ASAH1: variants seen among roughly 807,000 people sequenced by gnomAD.
The protein encoded by ASAH1 is N-acylsphingosine amidohydrolase 1.
A neutral mutation model predicts 59.5 loss-of-function variants in ASAH1; 70 were observed. The ratio of observed to expected loss-of-function variants is 1.18; its 90% CI spans 0.97 to 1.43. The LOEUF is 1.43. ASAH1 is among the 40% of genes most tolerant of loss of function. The pLI is 0.00. For synonymous variants in ASAH1, 213 were observed against 166.5 expected (o/e 1.28, Z -2.15); for missense variants, 660 against 482.5 (o/e 1.37, Z -3.45).
At chr8:18,062,576 G>T in intron 7 of ASAH1, 153 bp from the exon 8 acceptor site, 1 of 832,302 alleles carries the variant, frequency 1.2e-6, no homozygotes, top group Non-Finnish European at 1.9e-6. Flanking sequence ...TATTTATTCT[G>T]TTTTCCAAAT....
rs1427945919 is a variant in ASAH1 at position 18,056,079 on chromosome 8, T to C, written c.*1455A>G. 1 of 152,226 alleles carries C rather than the reference T, an allele frequency of 6.6e-6. No homozygotes were observed. The highest frequency in any genetic ancestry group is 1.5e-5 in the Non-Finnish European group (1 of 68,042). 9.4% of individuals were successfully genotyped at this position (152,226 alleles called of 1,614,324 possible). A position where few individuals can be genotyped will look rare whatever the true frequency, so the allele number is the denominator to read the frequency against. On this transcript the variant is annotated 3_prime_UTR_variant, in exon 14 of 14. Coordinates refer to ENST00000637790, the MANE Select transcript of ASAH1 (RefSeq NM_177924.5). ...TCAAGTTGACCTGACTTCATTTATGTAAGAGGTAGAAAATCTGAGTAAAGT... is the reference window on the plus strand; with the variant it reads ...TCAAGTTGACCTGACTTCATTTATGCAAGAGGTAGAAAATCTGAGTAAAGT...
chr8:18,059,951 C>A, intron 10 of ASAH1: 1 of 405,016 alleles, frequency 2.5e-6, no homozygotes, highest in South Asian at 2.3e-5. Flanking sequence ...CCCTGACAGG[C>A]CCTGGTGCGT....
intron 4 of ASAH1, chr8:18,068,293 GT>G (rs1484401979): frequency 6.6e-6 from 1 of 152,168 alleles, no homozygotes; most frequent in Non-Finnish European, 1.5e-5. Flanking sequence ...ATTCCAAGGC[GT>G]GGCACAAAAA....
chr8:18,079,098 G>C (rs912910533), intron 1 of ASAH1, among the ~76,000 whole-genome samples: 1 of 150,574 alleles, frequency 6.6e-6, no homozygotes, highest in Non-Finnish European at 1.5e-5. Context: ...CCAACATGGC[G>C]AAATCCCCGT....
At position 18,059,212 on chromosome 8, in the gene ASAH1, G is replaced by A. The variant is rs1799586629; in HGVS notation, c.1041+129C>T. 3.5e-6 allele frequency: 5 copies of A among 1,440,016 alleles called. No individual in the cohort carries two copies. In the South Asian group the frequency reaches 4.8e-5, roughly 14 times the overall value. 89.2% of individuals were successfully genotyped at this position (1,440,016 alleles called of 1,614,324 possible). ...AAGAAAACGAAACAAAAAAATCAGT[G>A]GAGAGTGGCTAGAGATACTATGAAA... On this transcript the variant is annotated intron_variant, in intron 12 of 13. Transcript: ENST00000637790.
intron 13 of ASAH1, chr8:18,058,606 G>A (rs958331123): frequency 5.5e-6 from 3 of 550,046 alleles, no homozygotes; most frequent in African/African-American, 1.9e-5. Context: ...CAAATGCTAT[G>A]TAAATAAAGC....
chr8:18,082,960 T>C (rs1800718239), intron 1 of ASAH1, among the ~76,000 whole-genome samples: 1 of 152,194 alleles, frequency 6.6e-6, no homozygotes, highest in African/African-American at 2.4e-5. Flanking sequence ...ATTTTCCTAT[T>C]ACAGGAAAAA....
At chr8:18,078,415 G>A (rs1300733744) in intron 1 of ASAH1, among the ~76,000 whole-genome samples, 1 of 152,180 alleles carries the variant, frequency 6.6e-6, no homozygotes, top group Non-Finnish European at 1.5e-5. Context: ...AATTGGCATA[G>A]AACCTGGCTG....
intron 7 of ASAH1, chr8:18,062,719 A>G: frequency 2.3e-6 from 1 of 434,930 alleles, no homozygotes; most frequent in East Asian, 5.0e-5. Flanking sequence ...AGATGGACAC[A>G]TAAAATAGAA....
chr8:18,084,412 G>C (rs142262157), upstream of ASAH1: 52,002 of 1,390,446 alleles, frequency 0.037, 1,154 homozygotes, highest in South Asian at 0.061. Context: ...TTCACCCGTG[G>C]CGCCTCGATG....
Position 18,063,200 on chromosome 8 carries a change from A to T in ASAH1, c.488T>A (p.Phe163Tyr). 1.2e-6 allele frequency: 2 copies of T among 1,613,908 alleles called. No individual in the cohort carries two copies. The highest frequency in any genetic ancestry group is 1.7e-6 in the Non-Finnish European group (2 of 1,179,854). Residue 163 changes from phenylalanine (F) to tyrosine (Y), a missense_variant, in exon 7 of 14, where the codon TTT becomes TAT. Transcript: ENST00000637790. The part of the protein sequence containing the change: ...GHLIHGRNMD[F>Y]GVFLGWNINN... ...CTTTACTTACCCAAGAAATACTCCA[A>T]AATCCATGTTTCTCCCATGTATTAG...
chr8:18,084,546 G>C, upstream of ASAH1: 1 of 1,491,398 alleles, frequency 6.7e-7, no homozygotes, highest in South Asian at 1.2e-5. Context: ...TTTGCCCTCT[G>C]AGAAAAGCGG....
At chr8:18,080,426 C>G (rs1281241506) in intron 1 of ASAH1, among the ~76,000 whole-genome samples, 1 of 152,206 alleles carries the variant, frequency 6.6e-6, no homozygotes, top group African/African-American at 2.4e-5. Flanking sequence ...GCCCCCAACA[C>G]TGCTCCAGTC....
At chr8:18,084,185 A>T (rs969813645), upstream of ASAH1, 28 of 1,537,076 alleles carry the variant, frequency 1.8e-5, no homozygotes, top group Non-Finnish European at 2.4e-5. Flanking sequence ...TCCAGGCAGT[A>T]GGGGGAACGC....
chr8:18,079,488 C>T (rs562337891), intron 1 of ASAH1, among the ~76,000 whole-genome samples: 6 of 150,588 alleles, frequency 4.0e-5, no homozygotes, highest in Admixed American at 2.6e-4. Context: ...TCAATGAAAG[C>T]GCCATACCCT....
At chr8:18,067,139 C>CTGTATATCTAAGACATACAGCACCTGTG (rs1564542881) in intron 5 of ASAH1, 81 bp downstream of exon 5, 24 of 1,126,384 alleles carry the variant, frequency 2.1e-5, no homozygotes, top group Admixed American at 1.6e-4. Flanking sequence ...AGCACCTGTG[C>CTGTATATCTAAGACATACAGCACCTGTG]TGTATGTATA....
rs1799850456 is a variant in ASAH1 at position 18,064,550 on chromosome 8, T to G, written c.383-19A>C. On this transcript the variant is annotated intron_variant, in intron 5 of 13. Coordinates refer to ENST00000637790, the MANE Select transcript of ASAH1 (RefSeq NM_177924.5). ...ATCTCTCCTATGAGAAAAGAAAATT[T>G]TGTGTTAATATACAGAACCATGACA... 2.9e-6 allele frequency: 4 copies of G among 1,394,474 alleles called. No homozygotes were observed. Among genetic ancestry groups the G allele is most frequent in the Non-Finnish European group, 4.0e-6 (4 of 992,678 alleles). 86.4% of individuals were successfully genotyped at this position (1,394,474 alleles called of 1,614,324 possible). A position where few individuals can be genotyped will look rare whatever the true frequency, so the allele number is the denominator to read the frequency against.
At chr8:18,059,304 C>T (rs767916636) in intron 12 of ASAH1, 37 bp downstream of exon 12, 39 of 1,613,870 alleles carry the variant, frequency 2.4e-5, no homozygotes, top group Non-Finnish European at 3.1e-5. Flanking sequence ...TCTTTAATGG[C>T]AACAGTTTCT....
chr8:18,065,223 T>G lies in ASAH1; in HGVS notation c.383-692A>C, dbSNP rs1267209387. 2.0e-5 allele frequency: 3 copies of G among 151,630 alleles called. No individual in the cohort carries two copies. The East Asian group carries it at 5.8e-4, about 29-fold the overall frequency. The allele number at this position is 151,630 out of a possible 1,614,324, so 9.4% of individuals were successfully genotyped here. Reference sequence around the variant, plus strand: ...AATAATTTATAATAATTATATAAATTTACACCACTTATACATCATGTTATT... The same window carrying G: ...AATAATTTATAATAATTATATAAATGTACACCACTTATACATCATGTTATT... On this transcript the variant is annotated intron_variant, in intron 5 of 13. Coordinates refer to ENST00000637790, the MANE Select transcript of ASAH1 (RefSeq NM_177924.5).
Sources: allele counts gnomAD v4.1 joint callset (sites outside exome capture counted in the v4.1 genomes callset), GRCh38; gene constraint gnomAD v4.1.1; transcripts MANE v1.5; gene names NCBI Gene and HGNC (gene_info 2026-07-23, HGNC 2026-07-21).